The following S100A7A variants were observed in gnomAD, a reference collection of about 807,000 sequenced individuals.
The protein encoded by S100A7A is S100 calcium binding protein A7A, also known as protein S100-A7A.
A neutral mutation model predicts 4.0 loss-of-function variants in S100A7A; 5 were observed. The ratio of observed to expected loss-of-function variants is 1.26; its 90% CI spans 0.66 to 2.66. The LOEUF (loss-of-function observed/expected upper bound fraction) is 2.66, where lower values mean the gene tolerates loss of function less well. S100A7A is among the 30% of genes most tolerant of loss of function. The pLI, the probability that S100A7A is intolerant of heterozygous loss-of-function variation, is 0.01. For missense variants in S100A7A, 159 were observed against 125.1 expected (o/e 1.27, Z -1.29); for synonymous variants, 52 against 46.4 (o/e 1.12, Z -0.49).
intron 2 of S100A7A, among the ~76,000 whole-genome samples, chr1:153,418,891 A>AATCTTG: frequency 6.6e-6 from 1 of 152,166 alleles, no homozygotes. Context: ...CCCCAAGGTC[A>AATCTTG]CTTAACAGAG....
Position 153,421,217 on chromosome 1 carries a change from A to G in S100A7A, c.*1908A>G, listed in dbSNP as rs1385169070. 2 of 152,242 alleles carry G rather than the reference A, an allele frequency of 1.3e-5. No individual in the cohort carries two copies. Among genetic ancestry groups the G allele is most frequent in the African/African-American group, 4.8e-5 (2 of 41,460 alleles). 9.4% of individuals were successfully genotyped at this position (152,242 alleles called of 1,614,324 possible). ...TTCTGTCTCATTAACATTACATTTC[A>G]AGGCTGAGCTTTAATGTCAGTGTCT... On this transcript the variant is annotated 3_prime_UTR_variant, in exon 3 of 3. Coordinates refer to ENST00000368729, the MANE Select transcript of S100A7A (RefSeq NM_176823.4).
chr1:153,418,982 G>A (rs751817449), intron 2 of S100A7A, among the ~76,000 whole-genome samples, 163 bp from the exon 3 acceptor site: 10 of 152,066 alleles, frequency 6.6e-5, no homozygotes, highest in South Asian at 4.1e-4. Flanking sequence ...TAACACTCAC[G>A]TCCTCACCCC....
intron 1 of S100A7A, 41 bp from the exon 2 acceptor site, chr1:153,418,025 T>A: frequency 6.2e-7 from 1 of 1,607,514 alleles, no homozygotes; most frequent in South Asian, 1.1e-5. Context: ...GAGACCTTAA[T>A]TCAAACTAAG....
In S100A7A at chr1:153,422,860, ATG is replaced by A. The variant is rs1662932149; in HGVS notation, c.*3555_*3556del. On this transcript the variant is annotated 3_prime_UTR_variant, in exon 3 of 3. Coordinates refer to ENST00000368729, the MANE Select transcript of S100A7A (RefSeq NM_176823.4). ...AAGAAGCAGAAAATCATAAAAGACC[ATG>A]TGTTTGATAAACAACCAGATTGTTT... 6.6e-6 allele frequency: 1 copy of A among 152,306 alleles called. No individual in the cohort carries two copies. The highest frequency in any genetic ancestry group is 2.4e-5 in the African/African-American group (1 of 41,564). The allele number at this position is 152,306 out of a possible 1,614,324, so 9.4% of individuals were successfully genotyped here. A position where few individuals can be genotyped will look rare whatever the true frequency, so the allele number is the denominator to read the frequency against.
rs1447713344 is a variant in S100A7A, at chr1:153,421,532, G to A, written c.*2223G>A. 1.3e-5 allele frequency: 2 copies of A among 152,180 alleles called. No homozygotes were observed. The highest frequency in any genetic ancestry group is 6.5e-5 in the Admixed American group (1 of 15,282). 9.4% of individuals were successfully genotyped at this position (152,180 alleles called of 1,614,324 possible). A position where few individuals can be genotyped will look rare whatever the true frequency, so the allele number is the denominator to read the frequency against. ...CAAATTCTAGTCAATACTACTTTAT[G>A]TAAACAGCAGTGTAAAATCCAAAAA... On this transcript the variant is annotated 3_prime_UTR_variant, in exon 3 of 3. Coordinates refer to ENST00000368729, the MANE Select transcript of S100A7A (RefSeq NM_176823.4).
Position 153,418,196 on chromosome 1 carries a change from G to C in S100A7A, c.114G>C (p.Glu38Asp). The C allele has an allele frequency of 6.2e-7, 1 of 1,613,988 alleles. No homozygotes were observed. The highest frequency in any genetic ancestry group is 8.5e-7 in the Non-Finnish European group (1 of 1,179,898). ...EKPSLLTMMK[E>D]NFPNFLSACD... Reference sequence around the variant, plus strand: ...CAAGCCTGCTGACGATGATGAAGGAGAACTTCCCCAATTTCCTCAGTGCCT... The same window carrying C: ...CAAGCCTGCTGACGATGATGAAGGACAACTTCCCCAATTTCCTCAGTGCCT... Residue 38 changes from glutamate (E) to aspartate (D), a missense_variant, in exon 2 of 3, where the codon GAG becomes GAC. Physicochemically the swap from Glu to Asp is conservative, Grantham distance 45. Transcript: ENST00000368729.
In S100A7A at chr1:153,419,078, C is replaced by T. The variant is rs990595363; in HGVS notation, c.142-67C>T. ...CTTGTCTGTATCTCTGCCTCCTCCT[C>T]TCCCCTCCCAGCCCAAAACTTGTTT... is the stretch of plus-strand genomic sequence containing the variant. On this transcript the variant is annotated intron_variant, in intron 2 of 2. Transcript: ENST00000368729. The T allele has an allele frequency of 5.8e-6, 9 of 1,553,682 alleles. No individual in the cohort carries two copies. In the Admixed American group the frequency reaches 1.5e-4, roughly 27 times the overall value.
rs1314056562 is a variant in S100A7A, at chr1:153,416,550, A to G, written c.-31A>G. 2.0e-5 allele frequency: 10 copies of G among 489,190 alleles called. 2 individuals are homozygous for G. The highest frequency in any genetic ancestry group is 4.0e-5 in the African/African-American group (2 of 50,204). The allele number at this position is 489,190 out of a possible 1,614,324, so 30.3% of individuals were successfully genotyped here. A position where few individuals can be genotyped will look rare whatever the true frequency, so the allele number is the denominator to read the frequency against. On this transcript the variant is annotated 5_prime_UTR_variant, in exon 1 of 3. Transcript: ENST00000368729. The stretch of plus-strand genomic sequence containing the variant: ...TCTCACTCATCCTTCTACTCGTGAC[A>G]CTTCCCAGTTCTGGTAAGTCTCACC...
chr1:153,418,483 C>T (rs1435058463), intron 2 of S100A7A, among the ~76,000 whole-genome samples: 1 of 152,076 alleles, frequency 6.6e-6, no homozygotes, highest in East Asian at 1.9e-4. Flanking sequence ...GTGCACAGTC[C>T]CCTCCCAGCG....
In S100A7A at chr1:153,418,174, G is replaced by A; in HGVS notation, c.92G>A (p.Ser31Asn). 1 of 1,614,062 alleles carries A rather than the reference G, an allele frequency of 6.2e-7. No individual in the cohort carries two copies. Among genetic ancestry groups the A allele is most frequent in the Non-Finnish European group, 8.5e-7 (1 of 1,179,930 alleles). The change falls in exon 2 of 3, where the codon AGC (serine) becomes AAC (asparagine). Residue 31 changes from serine (S) to asparagine (N), a missense_variant. Transcript: ENST00000368729. ...CGTGATGGCAAGATTGAGAAGCCAA[G>A]CCTGCTGACGATGATGAAGGAGAAC... ...TGRDGKIEKP[S>N]LLTMMKENFP...
rs553697193 is a variant in S100A7A at position 153,422,933 on chromosome 1, A to C, written c.*3624A>C. On this transcript the variant is annotated 3_prime_UTR_variant, in exon 3 of 3. Transcript: ENST00000368729. ...AAACACCATGAGAGCATACTCATAC[A>C]TGTTCCCTTATAAATCTGCGAGGTA... 2.6e-5 allele frequency: 4 copies of C among 152,220 alleles called. No individual in the cohort carries two copies. Among genetic ancestry groups the C allele is most frequent in the Non-Finnish European group, 2.9e-5 (2 of 68,040 alleles). 9.4% of individuals were successfully genotyped at this position (152,220 alleles called of 1,614,324 possible).
In S100A7A at chr1:153,416,578, C is replaced by A. The variant is rs770102816; in HGVS notation, c.-18+15C>A. 4.2e-6 allele frequency: 2 copies of A among 478,768 alleles called. No homozygotes were observed. The highest frequency in any genetic ancestry group is 8.4e-6 in the Non-Finnish European group (2 of 239,120). 29.7% of individuals were successfully genotyped at this position (478,768 alleles called of 1,614,324 possible). A position where few individuals can be genotyped will look rare whatever the true frequency, so the allele number is the denominator to read the frequency against. ...TCCCAGTTCTGGTAAGTCTCACCTG[C>A]CTCTTTGCATTTTCTAGAAGTGCCC... On this transcript the variant is annotated intron_variant, in intron 1 of 2. Transcript: ENST00000368729.
Position 153,419,676 on chromosome 1 carries a change from AG to A in S100A7A, c.*368del. The A allele has an allele frequency of 4.2e-6, 1 of 237,346 alleles. No homozygotes were observed. The highest frequency in any genetic ancestry group is 9.8e-5 in the South Asian group (1 of 10,230). The allele number at this position is 237,346 out of a possible 1,614,324, so 14.7% of individuals were successfully genotyped here. ...GTCAAGGCATGGACCAGGGTCATTC[AG>A]ACACATTCAGATACTGCACTGAGAA... On this transcript the variant is annotated 3_prime_UTR_variant, in exon 3 of 3. Transcript: ENST00000368729.
intron 1 of S100A7A, among the ~76,000 whole-genome samples, chr1:153,417,050 T>A (rs1662737877): frequency 6.6e-6 from 1 of 152,252 alleles, no homozygotes; most frequent in Non-Finnish European, 1.5e-5. Context: ...GGCCTTGGCC[T>A]CAGATTCAGA....
Position 153,419,498 on chromosome 1 carries a change from A to C in S100A7A, c.*189A>C. On this transcript the variant is annotated 3_prime_UTR_variant, in exon 3 of 3. Transcript: ENST00000368729. ...CACCCAGGAGTAATGTCCCTCCAGC[A>C]ACGTTCCCCCTATGGCCTCCAGCAG... 1 of 654,324 alleles carries C rather than the reference A, an allele frequency of 1.5e-6. No individual in the cohort carries two copies. The highest frequency in any genetic ancestry group is 2.6e-6 in the Non-Finnish European group (1 of 381,332). The allele number at this position is 654,324 out of a possible 1,614,324, so 40.5% of individuals were successfully genotyped here.
Position 153,421,110 on chromosome 1 carries a change from C to T in S100A7A, c.*1801C>T, listed in dbSNP as rs897253035. The T allele has an allele frequency of 2.0e-5, 3 of 152,218 alleles. No individual in the cohort carries two copies. Among genetic ancestry groups the T allele is most frequent in the African/African-American group, 7.2e-5 (3 of 41,422 alleles). The allele number at this position is 152,218 out of a possible 1,614,324, so 9.4% of individuals were successfully genotyped here. ...ATTCCCCGAATGCGCAACATACCCC[C>T]CATCAATATATCTCAGTATTTCATG... On this transcript the variant is annotated 3_prime_UTR_variant, in exon 3 of 3. Transcript: ENST00000368729.
chr1:153,419,613 G>A lies in S100A7A; in HGVS notation c.*304G>A, dbSNP rs1662843751. 2 of 389,552 alleles carry A rather than the reference G, an allele frequency of 5.1e-6. No homozygotes were observed. Among genetic ancestry groups the A allele is most frequent in the South Asian group, 4.9e-5 (1 of 20,274 alleles). 24.1% of individuals were successfully genotyped at this position (389,552 alleles called of 1,614,324 possible). ...CTTGGCAGGTTCCAGGTGGAAGTTG[G>A]TAGAAGGCCCCTGCCAGGTCACAGC... On this transcript the variant is annotated 3_prime_UTR_variant, in exon 3 of 3. Transcript: ENST00000368729.
In S100A7A at chr1:153,420,658, C is replaced by T. The variant is rs1662876139; in HGVS notation, c.*1349C>T. ...TGAACATATTCTGCACCTCGTCAGC[C>T]TTCAGGACTGATCTGCCATTTTCAC... On this transcript the variant is annotated 3_prime_UTR_variant, in exon 3 of 3. Coordinates refer to ENST00000368729, the MANE Select transcript of S100A7A (RefSeq NM_176823.4). 6.6e-6 allele frequency: 1 copy of T among 152,306 alleles called. No homozygotes were observed. The highest frequency in any genetic ancestry group is 6.5e-5 in the Admixed American group (1 of 15,282). 9.4% of individuals were successfully genotyped at this position (152,306 alleles called of 1,614,324 possible). A position where few individuals can be genotyped will look rare whatever the true frequency, so the allele number is the denominator to read the frequency against.
In S100A7A at chr1:153,420,135, G is replaced by C. The variant is rs1662859177; in HGVS notation, c.*826G>C. The C allele has an allele frequency of 6.6e-6, 1 of 152,256 alleles. No homozygotes were observed. Among genetic ancestry groups the C allele is most frequent in the Non-Finnish European group, 1.5e-5 (1 of 68,072 alleles). 9.4% of individuals were successfully genotyped at this position (152,256 alleles called of 1,614,324 possible). On this transcript the variant is annotated 3_prime_UTR_variant, in exon 3 of 3. Coordinates refer to ENST00000368729, the MANE Select transcript of S100A7A (RefSeq NM_176823.4). ...GCATCACGGAAATTCTGTAAGGACT[G>C]ACACAGAGAGCTCATGCTGACTGTG...
Sources: gnomAD v4.1 joint callset for allele counts (sites outside exome capture counted in the v4.1 genomes callset) on GRCh38, gnomAD v4.1.1 for gene constraint, MANE v1.5 for transcripts, NCBI Gene and HGNC (gene_info 2026-07-23, HGNC 2026-07-21) for gene names.